The following SELENOI variants were observed in gnomAD, a reference collection of about 807,000 sequenced individuals.
SELENOI encodes selenoprotein I.
SELENOI carries 24 observed loss-of-function variants against 50.7 expected under a neutral mutation model. The ratio of observed to expected loss-of-function variants is 0.47; its 90% CI spans 0.34 to 0.67. The LOEUF (loss-of-function observed/expected upper bound fraction) is 0.67. Ranked by LOEUF, SELENOI falls within the 30% of genes least tolerant of loss-of-function variation. The probability of loss-of-function intolerance (pLI) is 0.01; values close to 1 mark genes in which losing one functional copy is unlikely to be tolerated. For missense variants in SELENOI, 352 were observed against 461.4 expected, an observed-to-expected ratio of 0.76 and a Z score of 2.17; for synonymous variants, 155 against 170.2, an observed-to-expected ratio of 0.91 and a Z score of 0.70.
At chr2:26,348,996 CTTTTTTTTTTTTTT>C (rs869073468) in intron 1 of SELENOI, among the ~76,000 whole-genome samples, 57 of 57,718 alleles carry the variant, frequency 9.9e-4, no homozygotes, top group African/African-American at 2.5e-3. Flanking sequence ...TTTGGACAGG[CTTTTTTTTTTTTTT>C]TTTTTTTTTT....
chr2:26,364,233 T>G, intron 1 of SELENOI, 69 bp from the exon 2 acceptor site: 1 of 1,151,428 alleles, frequency 8.7e-7, no homozygotes, highest in Non-Finnish European at 1.3e-6. Flanking sequence ...TATTTTCACC[T>G]AAGAAATGTT....
rs541955346 is a variant in SELENOI at position 26,395,167 on chromosome 2, C to T, written c.*6064C>T. ...CCTATTTAATATGTACACATATATT[C>T]ACTACATATGTATGTATGATATATT... On this transcript the variant is annotated 3_prime_UTR_variant, in exon 10 of 10. Coordinates refer to ENST00000260585, the MANE Select transcript of SELENOI (RefSeq NM_033505.4). 99 of 152,296 alleles carry T rather than the reference C, an allele frequency of 6.5e-4. No homozygotes were observed. Among genetic ancestry groups the T allele is most frequent in the African/African-American group, 2.4e-3 (98 of 41,554 alleles). The allele number at this position is 152,296 out of a possible 1,614,324, so 9.4% of individuals were successfully genotyped here.
intron 1 of SELENOI, among the ~76,000 whole-genome samples, chr2:26,347,611 A>G (rs2147940386): frequency 6.6e-6 from 1 of 152,284 alleles, no homozygotes; most frequent in Non-Finnish European, 1.5e-5. Flanking sequence ...CTTTCATTTT[A>G]GAAGGCTGTT....
intron 1 of SELENOI, 143 bp downstream of exon 1, chr2:26,346,432 C>A (rs2147938762): frequency 1.9e-6 from 2 of 1,042,236 alleles, no homozygotes; most frequent in Non-Finnish European, 2.6e-6. Context: ...TCCTGCGGGT[C>A]CTGGGGATTG....
intron 6 of SELENOI, among the ~76,000 whole-genome samples, chr2:26,381,229 T>TTTTTC (rs1677693348): frequency 9.7e-6 from 1 of 103,088 alleles, no homozygotes; most frequent in African/African-American, 3.3e-5. Flanking sequence ...TTTTTTTTTT[T>TTTTTC]ACAAATTCTA....
In SELENOI at chr2:26,385,063, G is replaced by T; in HGVS notation, c.836G>T (p.Trp279Leu). 2 of 1,612,282 alleles carry T rather than the reference G, an allele frequency of 1.2e-6. No individual in the cohort carries two copies. Among genetic ancestry groups the T allele is most frequent in the Non-Finnish European group, 1.7e-6 (2 of 1,179,148 alleles). The part of the protein sequence containing the change: ...LFILSTAWIL[W>L]SPSDILELHP... ...ATTTTGTCTACAGCGTGGATCCTTT[G>T]GTCACCTTCAGATATTTTAGAGCTA... Residue 279 changes from tryptophan (W) to leucine (L), a missense_variant, in exon 8 of 10, where the codon TGG (tryptophan) becomes TTG (leucine). Coordinates refer to ENST00000260585, the MANE Select transcript of SELENOI (RefSeq NM_033505.4).
At chr2:26,357,771 G>A (rs1037746732) in intron 1 of SELENOI, among the ~76,000 whole-genome samples, 1 of 152,096 alleles carries the variant, frequency 6.6e-6, no homozygotes, top group Non-Finnish European at 1.5e-5. Context: ...TTTTTTAAGG[G>A]GTGTGGGGAG....
chr2:26,382,745 T>G (rs1369938276), intron 6 of SELENOI, among the ~76,000 whole-genome samples: 2 of 151,950 alleles, frequency 1.3e-5, no homozygotes, highest in Non-Finnish European at 2.9e-5. Flanking sequence ...TAGTCTCAGC[T>G]GCTCAGAAGC....
rs555848318 is a variant in SELENOI, at chr2:26,367,683, C to G, written c.310+463C>G. 3.9e-5 allele frequency among the ~76,000 whole-genome samples: 6 copies of G among 152,242 alleles called. No individual in the cohort carries two copies. The South Asian group carries it at 8.3e-4, about 21-fold the overall frequency. ...TCTTAAGTTTGGGAAGCAATACTGT[C>G]ATATGTAATAATTAAAAAATAGTAT... On this transcript the variant is annotated intron_variant, in intron 4 of 9. Coordinates refer to ENST00000260585, the MANE Select transcript of SELENOI (RefSeq NM_033505.4).
At chr2:26,380,524 C>A (rs762345949) in intron 6 of SELENOI, among the ~76,000 whole-genome samples, 1 of 152,158 alleles carries the variant, frequency 6.6e-6, no homozygotes, top group Non-Finnish European at 1.5e-5. Flanking sequence ...GTCCAACCAT[C>A]CCCCTATCAA....
intron 1 of SELENOI, among the ~76,000 whole-genome samples, chr2:26,349,641 C>A (rs1676909469): frequency 6.8e-6 from 1 of 148,048 alleles, no homozygotes; most frequent in South Asian, 2.1e-4. Flanking sequence ...GATTTTTCCC[C>A]ACTTATCTAA....
At chr2:26,355,471 A>G (rs1677045179) in intron 1 of SELENOI, among the ~76,000 whole-genome samples, 1 of 152,210 alleles carries the variant, frequency 6.6e-6, no homozygotes, top group African/African-American at 2.4e-5. Context: ...CAAATTCCTC[A>G]GCAAAGATTT....
At chr2:26,356,884 T>C (rs895531651) in intron 1 of SELENOI, among the ~76,000 whole-genome samples, 1 of 152,172 alleles carries the variant, frequency 6.6e-6, no homozygotes, top group Admixed American at 6.5e-5. Context: ...GATACTTCTG[T>C]TGGTGGTCTT....
intron 1 of SELENOI, among the ~76,000 whole-genome samples, chr2:26,348,583 C>CAATA (rs1485167588): frequency 1.3e-5 from 2 of 152,102 alleles, no homozygotes; most frequent in East Asian, 3.9e-4. Context: ...CTTGCATTCG[C>CAATA]TATTGTGTTA....
chr2:26,365,460 C>G (rs1333446636), intron 3 of SELENOI, among the ~76,000 whole-genome samples: 1 of 152,230 alleles, frequency 6.6e-6, no homozygotes, highest in Non-Finnish European at 1.5e-5. Context: ...CATCTTCTCT[C>G]TCACTCATTT....
chr2:26,369,747 G>T (rs1677370235), intron 4 of SELENOI, among the ~76,000 whole-genome samples: 1 of 152,066 alleles, frequency 6.6e-6, no homozygotes, highest in African/African-American at 2.4e-5. Context: ...CCTCCTTTTT[G>T]ACCTTTTTAT....
intron 1 of SELENOI, 66 bp downstream of exon 1, chr2:26,346,355 C>T (rs755725212): frequency 5.9e-6 from 9 of 1,523,800 alleles, no homozygotes; most frequent in Non-Finnish European, 7.9e-6. Context: ...GAGGGGCCCG[C>T]GCGGCGCGGT....
intron 6 of SELENOI, among the ~76,000 whole-genome samples, chr2:26,378,107 G>A (rs1677606362): frequency 6.6e-6 from 1 of 152,080 alleles, no homozygotes; most frequent in Admixed American, 6.5e-5. Flanking sequence ...TTGTGTCTGT[G>A]TAGTTTAGTG....
At chr2:26,388,157 A>C (rs1677885791) in intron 9 of SELENOI, among the ~76,000 whole-genome samples, 1 of 152,214 alleles carries the variant, frequency 6.6e-6, no homozygotes, top group African/African-American at 2.4e-5. Context: ...ACCTTATATC[A>C]ATACTCTTCG....
Sources: gnomAD v4.1 joint callset for allele counts (sites outside exome capture counted in the v4.1 genomes callset) on GRCh38, gnomAD v4.1.1 for gene constraint, MANE v1.5 for transcripts, NCBI Gene and HGNC (gene_info 2026-07-23, HGNC 2026-07-21) for gene names.